Variants in DPY19L3 observed in about 807,000 individuals in gnomAD.
DPY19L3 encodes protein C-mannosyl-transferase DPY19L3.
A neutral mutation model predicts 92.3 loss-of-function variants in DPY19L3; 51 were observed. The observed-to-expected ratio is 0.55, with a 90% CI of 0.44 to 0.70. The LOEUF (loss-of-function observed/expected upper bound fraction) is 0.70, where lower values mean the gene tolerates loss of function less well. Among genes scored for constraint, DPY19L3 ranks in the 30% least tolerant of loss-of-function variants. DPY19L3 has a pLI of 0.00. For missense variants in DPY19L3, 706 were observed against 855.9 expected, an observed-to-expected ratio of 0.82 and a Z score of 2.18; for synonymous variants, 309 against 315.2, an observed-to-expected ratio of 0.98 and a Z score of 0.21.
At chr19:32,457,582 A>G (rs1034857267) in intron 10 of DPY19L3, among the ~76,000 whole-genome samples, 4 of 152,254 alleles carry the variant, frequency 2.6e-5, no homozygotes, top group African/African-American at 9.6e-5. Flanking sequence ...TTAAAATTGT[A>G]ATCACTAATG....
At chr19:32,466,577 C>T (rs1970208708) in intron 15 of DPY19L3, among the ~76,000 whole-genome samples, 1 of 152,222 alleles carries the variant, frequency 6.6e-6, no homozygotes, top group Non-Finnish European at 1.5e-5. Context: ...TGCCAAATGC[C>T]CTGGGGCTGG....
chr19:32,447,779 TAGATA>T (rs1488342123), intron 8 of DPY19L3, among the ~76,000 whole-genome samples: 1 of 135,592 alleles, frequency 7.4e-6, no homozygotes, highest in Non-Finnish European at 1.6e-5. Flanking sequence ...ATAGATAGAT[TAGATA>T]AGATACTCCA....
intron 17 of DPY19L3, chr19:32,479,551 C>T (rs1457969427): frequency 1.2e-5 from 5 of 401,748 alleles, no homozygotes; most frequent in East Asian, 1.9e-4. Flanking sequence ...TACCTCCCTA[C>T]CATTTCACCC....
At chr19:32,471,626 ACCCCACATGAGGCATTACGTTGTGCT>A (rs1185374799) in intron 16 of DPY19L3, among the ~76,000 whole-genome samples, 1 of 151,948 alleles carries the variant, frequency 6.6e-6, no homozygotes, top group East Asian at 1.9e-4. Context: ...AGTAAGCCAC[ACCCCACATGAGGCATTACGTTGTGCT>A]CCTGGACACA....
intron 8 of DPY19L3, among the ~76,000 whole-genome samples, chr19:32,444,451 C>T (rs1299208598): frequency 1.3e-5 from 2 of 152,090 alleles, no homozygotes; most frequent in Non-Finnish European, 2.9e-5. Context: ...AACAGAGCCT[C>T]AAGGACCTGT....
chr19:32,413,621 C>T (rs1272726508), intron 3 of DPY19L3, among the ~76,000 whole-genome samples: 2 of 145,990 alleles, frequency 1.4e-5, no homozygotes, highest in South Asian at 2.3e-4. Context: ...CACAACAGTC[C>T]CCAGAGTGTG....
chr19:32,420,481 G>A (rs939724837), intron 3 of DPY19L3, among the ~76,000 whole-genome samples: 38 of 151,910 alleles, frequency 2.5e-4, no homozygotes, highest in African/African-American at 8.0e-4. Context: ...GAGTCTCACT[G>A]TCGCCCAGGC....
rs1025117489 is a variant in DPY19L3, at chr19:32,440,486, A to G, written c.855+576A>G. Among the ~76,000 whole-genome samples the G allele has an allele frequency of 2.6e-5, 4 of 152,232 alleles. No individual in the cohort carries two copies. The South Asian group carries it at 8.3e-4, about 31-fold the overall frequency. On this transcript the variant is annotated intron_variant, in intron 8 of 18. Coordinates refer to ENST00000392250, the MANE Select transcript of DPY19L3 (RefSeq NM_001172774.2). ...TGGCTTATAGTTAGTATTCTAAAGT[A>G]GTAGTAACTTAAATATTTCCCAAGT...
intron 16 of DPY19L3, among the ~76,000 whole-genome samples, chr19:32,472,233 C>A (rs781577942): frequency 3.9e-5 from 6 of 152,178 alleles, no homozygotes; most frequent in Admixed American, 6.5e-5. Context: ...ATTGAAGCTT[C>A]AGTATGAAAC....
At chr19:32,477,410 G>T in intron 16 of DPY19L3, 112 bp from the exon 17 acceptor site, 1 of 1,389,718 alleles carries the variant, frequency 7.2e-7, no homozygotes, top group Non-Finnish European at 9.8e-7. Context: ...TCCCTGACTC[G>T]TAACACTTGG....
chr19:32,436,604 A>G, intron 5 of DPY19L3, 37 bp downstream of exon 5: 1 of 1,390,912 alleles, frequency 7.2e-7, no homozygotes, highest in Non-Finnish European at 9.5e-7. Flanking sequence ...ATATCAGATG[A>G]AAGTCAAAGT....
intron 16 of DPY19L3, among the ~76,000 whole-genome samples, chr19:32,476,528 CAAAAAAAAAA>C (rs71176126): frequency 6.4e-5 from 6 of 93,320 alleles, no homozygotes; most frequent in African/African-American, 1.6e-4. Flanking sequence ...CTCAGGTTTC[CAAAAAAAAAA>C]AAAAAAAAAA....
chr19:32,446,825 CAG>C (rs1423109460), intron 8 of DPY19L3, among the ~76,000 whole-genome samples: 1 of 152,130 alleles, frequency 6.6e-6, no homozygotes. Context: ...AGAAAATCAT[CAG>C]AGATATAGAA....
Position 32,408,225 on chromosome 19 carries a change from T to C in DPY19L3, c.-29T>C. On this transcript the variant is annotated 5_prime_UTR_variant, in exon 2 of 19. Coordinates refer to ENST00000392250, the MANE Select transcript of DPY19L3 (RefSeq NM_001172774.2). ...TGTTTATTGCTATCTAGGAGTGATTTGGAGAACAATGCATGTAAGTCTGAC... is the reference window on the plus strand; with the variant it reads ...TGTTTATTGCTATCTAGGAGTGATTCGGAGAACAATGCATGTAAGTCTGAC... 4 of 1,538,518 alleles carry C rather than the reference T, an allele frequency of 2.6e-6. 1 individual carries two copies. The East Asian group carries it at 9.0e-5, about 35-fold the overall frequency.
chr19:32,482,318 T>G lies in DPY19L3; in HGVS notation c.*78T>G, dbSNP rs1160780121. The G allele has an allele frequency of 6.6e-7, 1 of 1,511,518 alleles. No homozygotes were observed. The highest frequency in any genetic ancestry group is 2.3e-5 in the East Asian group (1 of 44,186). The allele number at this position is 1,511,518 out of a possible 1,614,324, so 93.6% of individuals were successfully genotyped here. ...GAAACTCAATAGATGACGTTTCCTA[T>G]GTAAGTAGGTAGCCCAAACCTTCAA... On this transcript the variant is annotated 3_prime_UTR_variant, in exon 19 of 19. Coordinates refer to ENST00000392250, the MANE Select transcript of DPY19L3 (RefSeq NM_001172774.2).
At chr19:32,421,079 T>C (rs1174286773) in intron 3 of DPY19L3, among the ~76,000 whole-genome samples, 1 of 152,248 alleles carries the variant, frequency 6.6e-6, no homozygotes, top group Non-Finnish European at 1.5e-5. Flanking sequence ...TATGGTTTTA[T>C]AATTTCATAT....
intron 8 of DPY19L3, among the ~76,000 whole-genome samples, chr19:32,444,912 A>G (rs1368003494): frequency 2.7e-5 from 4 of 150,594 alleles, no homozygotes; most frequent in Non-Finnish European, 5.9e-5. Flanking sequence ...ATGCAACCCC[A>G]TCTCTATAAA....
intron 9 of DPY19L3, among the ~76,000 whole-genome samples, chr19:32,453,673 C>T (rs1224212418): frequency 6.6e-6 from 1 of 152,052 alleles, no homozygotes; most frequent in Non-Finnish European, 1.5e-5. Context: ...GGTGGATACC[C>T]TGTTATTTGA....
chr19:32,432,704 A>T lies in DPY19L3; in HGVS notation c.238-12A>T. The T allele has an allele frequency of 3.7e-6, 6 of 1,612,370 alleles. No individual in the cohort carries two copies. Among genetic ancestry groups the T allele is most frequent in the Non-Finnish European group, 5.1e-6 (6 of 1,178,722 alleles). ...AGGTCACATAAACCCATAGGATCTA[A>T]CTCTGTTTTAGGAAGTGGAGCGAGA... On this transcript the variant is annotated splice_polypyrimidine_tract_variant and intron_variant, in intron 3 of 18. Coordinates refer to ENST00000392250, the MANE Select transcript of DPY19L3 (RefSeq NM_001172774.2).
Sources: gnomAD v4.1 joint callset for allele counts (sites outside exome capture counted in the v4.1 genomes callset) on GRCh38, gnomAD v4.1.1 for gene constraint, MANE v1.5 for transcripts, NCBI Gene and HGNC (gene_info 2026-07-23, HGNC 2026-07-21) for gene names.